Variants in COL19A1 observed in about 807,000 individuals in gnomAD.
The protein encoded by COL19A1 is collagen type XIX alpha 1 chain.
A neutral mutation model predicts 190.2 loss-of-function variants in COL19A1; 159 were observed. That is an observed-to-expected ratio of 0.84 (90% CI 0.73 to 0.95). The LOEUF (loss-of-function observed/expected upper bound fraction) is 0.95. COL19A1 is among the 40% of genes least tolerant of loss of function. The probability of loss-of-function intolerance (pLI) is 0.00; values close to 1 mark genes in which losing one functional copy is unlikely to be tolerated. For synonymous variants in COL19A1, 509 were observed against 458.9 expected (o/e 1.11, Z -1.39); for missense variants, 1,418 against 1,431.9 (o/e 0.99, Z 0.16).
At chr6:70,132,957 A>G (rs577597843) in intron 18 of COL19A1, among the ~76,000 whole-genome samples, 80 of 152,364 alleles carry the variant, frequency 5.3e-4, no homozygotes, top group African/African-American at 1.9e-3. Flanking sequence ...GAAGTTACTC[A>G]AAAGCGCAAT....
intron 14 of COL19A1, among the ~76,000 whole-genome samples, chr6:70,058,572 C>G (rs1582802639): frequency 6.6e-6 from 1 of 152,166 alleles, no homozygotes; most frequent in Non-Finnish European, 1.5e-5. Flanking sequence ...ACACTGACTA[C>G]TGATTTTGAT....
At chr6:69,941,274 C>A (rs1277910926) in intron 9 of COL19A1, among the ~76,000 whole-genome samples, 1 of 152,142 alleles carries the variant, frequency 6.6e-6, no homozygotes, top group Non-Finnish European at 1.5e-5. Flanking sequence ...AATACCTAGC[C>A]AGTGGTTGAT....
Position 70,206,897 on chromosome 6 carries a change from T to A in COL19A1, c.3224-4T>A, listed in dbSNP as rs897996107. The A allele has an allele frequency of 6.2e-7, 1 of 1,612,216 alleles. No homozygotes were observed. The highest frequency in any genetic ancestry group is 1.3e-5 in the African/African-American group (1 of 74,736). ...TGTCTCTTTTTTATATATTTCTCAC[T>A]TAGGCTACAGAGGACAGAAGGGAGA... On this transcript the variant is annotated splice_region_variant and splice_polypyrimidine_tract_variant and intron_variant, in intron 49 of 50. Transcript: ENST00000620364.
chr6:70,023,804 A>G (rs1363267569), intron 12 of COL19A1, 124 bp downstream of exon 12: 3 of 775,646 alleles, frequency 3.9e-6, no homozygotes, highest in Non-Finnish European at 6.0e-6. Context: ...AAAATTAAGA[A>G]TCATGGTGTT....
intron 2 of COL19A1, among the ~76,000 whole-genome samples, chr6:69,884,337 C>G (rs1438959635): frequency 1.4e-5 from 2 of 138,374 alleles, no homozygotes; most frequent in Non-Finnish European, 3.1e-5. Flanking sequence ...AAGACTTTGT[C>G]TCAAAAAAAA....
chr6:70,034,178 G>C (rs926296761), intron 12 of COL19A1, 67 bp from the exon 13 acceptor site: 27 of 1,067,520 alleles, frequency 2.5e-5, no homozygotes, highest in Non-Finnish European at 3.8e-5. Context: ...GATTTATTTT[G>C]TTACTAATGA....
At chr6:70,112,666 G>A (rs970800807) in intron 16 of COL19A1, among the ~76,000 whole-genome samples, 1 of 152,056 alleles carries the variant, frequency 6.6e-6, no homozygotes, top group African/African-American at 2.4e-5. Context: ...AAGCTTCCTA[G>A]CATAATTTAG....
intron 11 of COL19A1, among the ~76,000 whole-genome samples, chr6:69,989,553 CTT>C (rs3072698): frequency 4.7e-4 from 59 of 126,202 alleles, no homozygotes; most frequent in Middle Eastern, 4.3e-3. Context: ...GAGTTTTTTA[CTT>C]TTTTTTTTTT....
Position 70,207,437 on chromosome 6 carries a change from C to G in COL19A1, c.*163C>G. 1.8e-6 allele frequency: 1 copy of G among 548,614 alleles called. No individual in the cohort carries two copies. Among genetic ancestry groups the G allele is most frequent in the Non-Finnish European group, 2.8e-6 (1 of 361,208 alleles). 34.0% of individuals were successfully genotyped at this position (548,614 alleles called of 1,614,324 possible). ...AACCGTTTGAATCCTATTCCTATAGCAATTGCAAATCAGCATTTTTTGATT... is the reference window on the plus strand; with the variant it reads ...AACCGTTTGAATCCTATTCCTATAGGAATTGCAAATCAGCATTTTTTGATT... On this transcript the variant is annotated 3_prime_UTR_variant, in exon 51 of 51. Transcript: ENST00000620364.
At chr6:70,019,782 T>A (rs1411807220) in intron 11 of COL19A1, among the ~76,000 whole-genome samples, 1 of 152,164 alleles carries the variant, frequency 6.6e-6, no homozygotes, top group African/African-American at 2.4e-5. Context: ...ACAATCTAAA[T>A]GCATTCTACT....
At chr6:69,982,136 A>G (rs1344366913) in intron 11 of COL19A1, among the ~76,000 whole-genome samples, 1 of 152,092 alleles carries the variant, frequency 6.6e-6, no homozygotes. Flanking sequence ...AAAGAGGGGG[A>G]GTTAAGAAGA....
At chr6:70,022,252 A>G (rs1778456751) in intron 11 of COL19A1, among the ~76,000 whole-genome samples, 1 of 152,200 alleles carries the variant, frequency 6.6e-6, no homozygotes, top group Non-Finnish European at 1.5e-5. Flanking sequence ...ACACACAGAC[A>G]TACGCAGAGG....
intron 11 of COL19A1, among the ~76,000 whole-genome samples, chr6:69,981,753 T>A (rs1176397615): frequency 1.3e-5 from 2 of 152,058 alleles, no homozygotes; most frequent in African/African-American, 4.8e-5. Context: ...AATATAGGTA[T>A]AAATATATAT....
chr6:70,187,889 C>T (rs1271896416), intron 46 of COL19A1, among the ~76,000 whole-genome samples, 186 bp from the exon 47 acceptor site: 2 of 152,102 alleles, frequency 1.3e-5, no homozygotes, highest in African/African-American at 2.4e-5. Context: ...TTCTGAAAAT[C>T]GCCCTATCTA....
intron 11 of COL19A1, among the ~76,000 whole-genome samples, chr6:70,002,078 A>T (rs1309958634): frequency 6.6e-6 from 1 of 151,832 alleles, no homozygotes; most frequent in East Asian, 1.9e-4. Context: ...AACATGAAGG[A>T]TGTTGAATTT....
Position 69,901,837 on chromosome 6 carries a change from A to C in COL19A1, c.266+1499A>C, listed in dbSNP as rs372556987. On this transcript the variant is annotated intron_variant, in intron 4 of 50. Transcript: ENST00000620364. The stretch of plus-strand genomic sequence containing the variant: ...CAGATGGCAAAAGGATTTTGGCAAA[A>C]GGAGTGAAACCTTTTAAAATTCATT... Among the ~76,000 whole-genome samples the C allele has an allele frequency of 3.3e-5, 5 of 152,380 alleles. No individual in the cohort carries two copies. The East Asian group carries it at 7.7e-4, about 23-fold the overall frequency.
At chr6:69,974,091 T>C (rs1775581333) in intron 11 of COL19A1, 2 of 152,224 alleles carry the variant, frequency 1.3e-5, no homozygotes, top group African/African-American at 2.4e-5. Flanking sequence ...GTTTTTATTT[T>C]CCTTGATATC....
intron 9 of COL19A1, among the ~76,000 whole-genome samples, chr6:69,952,068 C>G (rs982822626): frequency 6.6e-6 from 1 of 151,828 alleles, no homozygotes; most frequent in Admixed American, 6.6e-5. Context: ...GTGTCCCTTC[C>G]CTTTAAATCC....
At chr6:70,067,906 C>T (rs569357194) in intron 14 of COL19A1, among the ~76,000 whole-genome samples, 114 of 152,024 alleles carry the variant, frequency 7.5e-4, no homozygotes, top group African/African-American at 2.7e-3. Context: ...TTTATTTTCC[C>T]TACCACTTTA....
Sources: gnomAD v4.1 joint callset for allele counts (sites outside exome capture counted in the v4.1 genomes callset) on GRCh38, gnomAD v4.1.1 for gene constraint, MANE v1.5 for transcripts, NCBI Gene and HGNC (gene_info 2026-07-23, HGNC 2026-07-21) for gene names.